TECRL: variants seen among roughly 807,000 people sequenced by gnomAD.
TECRL encodes trans-2,3-enoyl-CoA reductase like.
Under a neutral mutation model 52.8 loss-of-function variants are expected in TECRL, and 63 were observed. The ratio of observed to expected loss-of-function variants is 1.19; its 90% CI spans 0.97 to 1.47. The LOEUF is 1.47. TECRL is among the 40% of genes most tolerant of loss of function. The pLI is 0.00. For missense variants in TECRL, 482 were observed against 429.6 expected (o/e 1.12, Z -1.08); for synonymous variants, 164 against 141.9 (o/e 1.16, Z -1.10).
At chr4:64,327,211 A>G (rs1248980193) in intron 3 of TECRL, among the ~76,000 whole-genome samples, 1 of 151,916 alleles carries the variant, frequency 6.6e-6, no homozygotes, top group Non-Finnish European at 1.5e-5. Context: ...TTTTTTTCAA[A>G]TACATCATTA....
chr4:64,349,186 G>GCAATGGAAA (rs1720207365), intron 2 of TECRL, among the ~76,000 whole-genome samples: 1 of 17,726 alleles, frequency 5.6e-5, no homozygotes, highest in Non-Finnish European at 2.5e-4. Context: ...AGGCTGTAGT[G>GCAATGGAAA]CAATGGAATG....
chr4:64,299,653 A>G (rs150765101), intron 8 of TECRL, among the ~76,000 whole-genome samples: 1 of 151,200 alleles, frequency 6.6e-6, no homozygotes, highest in African/African-American at 2.4e-5. Flanking sequence ...TGTCTGTAAG[A>G]TTTGCAAAAA....
At chr4:64,332,059 A>T (rs1259737094) in intron 2 of TECRL, among the ~76,000 whole-genome samples, 1 of 152,160 alleles carries the variant, frequency 6.6e-6, no homozygotes, top group Non-Finnish European at 1.5e-5. Context: ...AGAATTAGGG[A>T]ACCAAGATCT....
intron 5 of TECRL, among the ~76,000 whole-genome samples, chr4:64,311,890 A>G (rs963758815): frequency 1.3e-4 from 20 of 152,176 alleles, no homozygotes; most frequent in Admixed American, 1.3e-3. Context: ...AAGGTTCAGG[A>G]TATGAGGGCA....
chr4:64,299,595 C>T (rs1442869228), intron 8 of TECRL, among the ~76,000 whole-genome samples: 1 of 151,002 alleles, frequency 6.6e-6, no homozygotes, highest in African/African-American at 2.4e-5. Context: ...CTGAGTTCAT[C>T]TTGAATTAGT....
At chr4:64,388,792 T>A (rs554997267) in intron 1 of TECRL, among the ~76,000 whole-genome samples, 29 of 151,866 alleles carry the variant, frequency 1.9e-4, no homozygotes, top group Non-Finnish European at 3.8e-4. Context: ...TAATGAAAAT[T>A]ACATAAATAC....
chr4:64,369,365 A>G (rs982641117), intron 2 of TECRL, among the ~76,000 whole-genome samples: 5 of 152,156 alleles, frequency 3.3e-5, no homozygotes, highest in African/African-American at 1.2e-4. Flanking sequence ...ACACTGCCAT[A>G]TGACCTTAGA....
intron 9 of TECRL, among the ~76,000 whole-genome samples, chr4:64,282,982 A>T (rs1325772931): frequency 6.6e-6 from 1 of 151,914 alleles, no homozygotes. Flanking sequence ...TAGGCATATA[A>T]GGTTTATTCT....
intron 2 of TECRL, among the ~76,000 whole-genome samples, chr4:64,339,655 C>T (rs1229766199): frequency 6.6e-6 from 1 of 151,862 alleles, no homozygotes; most frequent in Non-Finnish European, 1.5e-5. Context: ...ATTTTCTGCC[C>T]TTTAGGTCCT....
chr4:64,345,928 AAAAC>A (rs1268771903), intron 2 of TECRL, among the ~76,000 whole-genome samples: 2 of 147,286 alleles, frequency 1.4e-5, no homozygotes, highest in East Asian at 2.0e-4. Flanking sequence ...AAAAAAAAAA[AAAAC>A]ATTTATCATA....
intron 2 of TECRL, among the ~76,000 whole-genome samples, chr4:64,338,432 G>C (rs1560510640): frequency 6.6e-6 from 1 of 152,142 alleles, no homozygotes; most frequent in Non-Finnish European, 1.5e-5. Context: ...ATTGACAAAT[G>C]GGATCTAATT....
At chr4:64,365,877 A>G (rs1721567157) in intron 2 of TECRL, among the ~76,000 whole-genome samples, 1 of 152,152 alleles carries the variant, frequency 6.6e-6, no homozygotes, top group African/African-American at 2.4e-5. Context: ...TTAGAATAAT[A>G]AAACTATTCT....
rs532698040 is a variant in TECRL, at chr4:64,386,912, G to A, written c.235-11689C>T. Reference sequence around the variant, plus strand: ...ACCAGTATGGTACATTTTTTACAACGGATATATCTACAATGACACATCATA... The same window carrying A: ...ACCAGTATGGTACATTTTTTACAACAGATATATCTACAATGACACATCATA... On this transcript the variant is annotated intron_variant, in intron 1 of 11. Transcript: ENST00000381210. Among the ~76,000 whole-genome samples the A allele has an allele frequency of 9.2e-5, 14 of 152,134 alleles. No individual in the cohort carries two copies. The South Asian group carries it at 1.7e-3, about 18-fold the overall frequency.
intron 1 of TECRL, among the ~76,000 whole-genome samples, chr4:64,382,668 G>C (rs1453323089): frequency 6.6e-6 from 1 of 151,858 alleles, no homozygotes; most frequent in Non-Finnish European, 1.5e-5. Flanking sequence ...CAGCCAATTT[G>C]TATCTTATAA....
intron 9 of TECRL, 72 bp from the exon 10 acceptor site, chr4:64,281,631 ACT>A: frequency 1.3e-6 from 1 of 742,972 alleles, no homozygotes; most frequent in Non-Finnish European, 2.2e-6. Context: ...ATTATATAAT[ACT>A]AAGTTCCCCA....
chr4:64,378,852 TTTTA>T (rs1351581186), intron 1 of TECRL, among the ~76,000 whole-genome samples: 1 of 151,898 alleles, frequency 6.6e-6, no homozygotes, highest in East Asian at 1.9e-4. Flanking sequence ...TTTAACTGAA[TTTTA>T]TTTATCTAAG....
Position 64,322,753 on chromosome 4 carries a change from A to G in TECRL, c.371T>C (p.Ile124Thr), listed in dbSNP as rs1381150700. ...FLKDYITIQS[I>T]AASSIVTLYA... ...CAGTGTGACAATGGAGGAAGCTGCA[A>G]TACTTTGAATGGTAATGTAGTCCTT... The change falls in exon 4 of 12, where the codon ATT (isoleucine) becomes ACT (threonine). Residue 124 changes from isoleucine (I) to threonine (T), a missense_variant. Coordinates refer to ENST00000381210, the MANE Select transcript of TECRL (RefSeq NM_001010874.5). The G allele has an allele frequency of 1.2e-6, 2 of 1,612,272 alleles. No individual in the cohort carries two copies. The highest frequency in any genetic ancestry group is 1.3e-5 in the African/African-American group (1 of 74,868).
At chr4:64,323,679 T>C (rs1310778213) in intron 3 of TECRL, among the ~76,000 whole-genome samples, 1 of 152,230 alleles carries the variant, frequency 6.6e-6, no homozygotes, top group Non-Finnish European at 1.5e-5. Flanking sequence ...CTGGTGAGAA[T>C]GTTAAAATGT....
At chr4:64,404,873 A>G (rs954725364) in intron 1 of TECRL, among the ~76,000 whole-genome samples, 11 of 152,102 alleles carry the variant, frequency 7.2e-5, no homozygotes, top group Non-Finnish European at 1.6e-4. Flanking sequence ...TCCATCTCAA[A>G]ACTATCACTA....
Sources: gnomAD v4.1 joint callset for allele counts (sites outside exome capture counted in the v4.1 genomes callset) on GRCh38, gnomAD v4.1.1 for gene constraint, MANE v1.5 for transcripts, NCBI Gene and HGNC (gene_info 2026-07-23, HGNC 2026-07-21) for gene names.